The following ETV1 variants were observed in gnomAD, a reference collection of about 807,000 sequenced individuals.
ETV1 encodes the protein ETS variant transcription factor 1.
ETV1 carries 27 observed loss-of-function variants against 62.3 expected under a neutral mutation model. The ratio of observed to expected loss-of-function variants is 0.43; its 90% CI spans 0.32 to 0.60. ETV1 has a LOEUF of 0.60. ETV1 is among the 20% of genes least tolerant of loss of function. The pLI is 0.06. For missense variants in ETV1, 605 were observed against 605.8 expected (o/e 1.00, Z 0.01); for synonymous variants, 222 against 199.6 (o/e 1.11, Z -0.94).
At chr7:13,932,046 A>ACC (rs755145411) in intron 8 of ETV1, among the ~76,000 whole-genome samples, 2 of 145,454 alleles carry the variant, frequency 1.4e-5, no homozygotes, top group Non-Finnish European at 3.0e-5. Flanking sequence ...TTACACACCC[A>ACC]CACACACACA....
chr7:13,935,965 C>G, intron 7 of ETV1, 69 bp from the exon 8 acceptor site: 1 of 1,235,378 alleles, frequency 8.1e-7, no homozygotes, highest in Non-Finnish European at 1.1e-6. Flanking sequence ...AGTTTCTAAT[C>G]CAAAGGAAGA....
rs4027263 is a variant in ETV1, at chr7:13,920,441, A to AGTGTGTGTGTGTGT, written c.803-9148_803-9135dup. Among the ~76,000 whole-genome samples the AGTGTGTGTGTGTGT allele has an allele frequency of 2.0e-3, 304 of 148,532 alleles. 3 individuals are homozygous for AGTGTGTGTGTGTGT. The highest frequency in any genetic ancestry group is 7.0e-3 in the Middle Eastern group (2 of 284). On this transcript the variant is annotated intron_variant, in intron 9 of 13. Transcript: ENST00000430479. ...ATGGACATTCCAGAGAGAGTGAGTG[A>AGTGTGTGTGTGTGT]GTGTGTGTGTGTGTGTGTGTGTGTG...
chr7:13,972,118 A>G (rs1260736295), intron 6 of ETV1, among the ~76,000 whole-genome samples: 1 of 152,114 alleles, frequency 6.6e-6, no homozygotes, highest in Non-Finnish European at 1.5e-5. Context: ...TCAAAAAGAA[A>G]AAAAAAATGA....
intron 6 of ETV1, among the ~76,000 whole-genome samples, chr7:13,964,381 GA>G (rs1790533827): frequency 6.6e-6 from 1 of 152,064 alleles, no homozygotes; most frequent in Non-Finnish European, 1.5e-5. Flanking sequence ...ATAATTCTAA[GA>G]AAAACATCTT....
At chr7:13,915,496 T>C (rs1784048057) in intron 9 of ETV1, among the ~76,000 whole-genome samples, 1 of 152,240 alleles carries the variant, frequency 6.6e-6, no homozygotes, top group African/African-American at 2.4e-5. Context: ...TTTATCTCTT[T>C]TAAACTTAGT....
Position 13,894,098 on chromosome 7 carries a change from T to C in ETV1, c.*1768A>G, listed in dbSNP as rs917267324. ...GGGGGATCATCTTTAAACAATCTTT[T>C]TCATGCTCATCACGAAATGCTTTTA... On this transcript the variant is annotated 3_prime_UTR_variant, in exon 14 of 14. Coordinates refer to ENST00000430479, the MANE Select transcript of ETV1 (RefSeq NM_004956.5). 36 of 232,822 alleles carry C rather than the reference T, an allele frequency of 1.5e-4. No individual in the cohort carries two copies. Among genetic ancestry groups the C allele is most frequent in the African/African-American group, 7.7e-4 (35 of 45,340 alleles). 14.4% of individuals were successfully genotyped at this position (232,822 alleles called of 1,614,324 possible).
intron 7 of ETV1, among the ~76,000 whole-genome samples, chr7:13,936,563 C>A (rs1786823658): frequency 6.6e-6 from 1 of 152,126 alleles, no homozygotes; most frequent in Non-Finnish European, 1.5e-5. Flanking sequence ...AGTCTAACTT[C>A]TAAACACAGT....
chr7:13,919,355 A>G (rs1784556556), intron 9 of ETV1, among the ~76,000 whole-genome samples: 1 of 152,076 alleles, frequency 6.6e-6, no homozygotes, highest in Middle Eastern at 3.4e-3. Flanking sequence ...AAACAGATGG[A>G]GCAGTGAAAT....
intron 5 of ETV1, among the ~76,000 whole-genome samples, chr7:13,985,191 T>C (rs919549431): frequency 1.3e-5 from 2 of 152,056 alleles, no homozygotes; most frequent in East Asian, 3.8e-4. Flanking sequence ...GCAAAACTAA[T>C]AGGCATAAGT....
chr7:13,955,245 T>A (rs1789282360), intron 6 of ETV1, among the ~76,000 whole-genome samples: 1 of 152,194 alleles, frequency 6.6e-6, no homozygotes, highest in Non-Finnish European at 1.5e-5. Flanking sequence ...ACTGCCACTC[T>A]TACAGAAAAG....
intron 7 of ETV1, among the ~76,000 whole-genome samples, chr7:13,937,998 T>C (rs570044642): frequency 6.6e-6 from 1 of 152,302 alleles, no homozygotes; most frequent in African/African-American, 2.4e-5. Flanking sequence ...CAGGCTGGAG[T>C]GCAATGGCGC....
In ETV1 at chr7:13,989,089, T is replaced by A; in HGVS notation, c.-37A>T. The A allele has an allele frequency of 6.4e-7, 1 of 1,563,556 alleles. No homozygotes were observed. Among genetic ancestry groups the A allele is most frequent in the South Asian group, 1.2e-5 (1 of 86,086 alleles). ...TCGCAAATCTCAGCTCAGTATTTTA[T>A]ATTTTGAGCATTTAGCTGGAGATTT... On this transcript the variant is annotated 5_prime_UTR_variant, in exon 3 of 14. Coordinates refer to ENST00000430479, the MANE Select transcript of ETV1 (RefSeq NM_004956.5).
At position 13,963,578 on chromosome 7, in the gene ETV1, G is replaced by T. The variant is rs78092701; in HGVS notation, c.235+13849C>A. On this transcript the variant is annotated intron_variant, in intron 6 of 13. Transcript: ENST00000430479. ...ACACACACACCTATACGTATATATAGAGAGAGAAGTTTACTGATGACTTCT... is the reference window on the plus strand; with the variant it reads ...ACACACACACCTATACGTATATATATAGAGAGAAGTTTACTGATGACTTCT... Among the ~76,000 whole-genome samples the T allele has an allele frequency of 8.9e-3, 1,335 of 149,644 alleles. 15 individuals are homozygous for T. The highest frequency in any genetic ancestry group is 0.04 in the East Asian group (203 of 5,128).
intron 6 of ETV1, among the ~76,000 whole-genome samples, chr7:13,975,337 G>A (rs1781321628): frequency 6.6e-6 from 1 of 152,030 alleles, no homozygotes; most frequent in Non-Finnish European, 1.5e-5. Context: ...ACGAGGTCAG[G>A]AGATCGAGAC....
intron 6 of ETV1, among the ~76,000 whole-genome samples, chr7:13,949,165 T>A (rs576599551): frequency 1.1e-3 from 160 of 148,696 alleles, no homozygotes; most frequent in African/African-American, 3.8e-3. Flanking sequence ...AGCAGTGATT[T>A]AAAAAAAAAA....
chr7:13,978,590 C>T (rs924281677), intron 5 of ETV1, among the ~76,000 whole-genome samples: 1 of 151,850 alleles, frequency 6.6e-6, no homozygotes, highest in African/African-American at 2.4e-5. Context: ...AATTAACTTT[C>T]TTAAATGAGC....
intron 8 of ETV1, among the ~76,000 whole-genome samples, chr7:13,934,628 T>C (rs1033428344): frequency 6.6e-6 from 1 of 152,244 alleles, no homozygotes; most frequent in African/African-American, 2.4e-5. Flanking sequence ...TCAAAAAATA[T>C]GTTAAAAACA....
At chr7:13,937,690 A>C (rs1353761593) in intron 7 of ETV1, among the ~76,000 whole-genome samples, 3 of 152,236 alleles carry the variant, frequency 2.0e-5, no homozygotes, top group African/African-American at 7.2e-5. Context: ...TGTAAGGAGA[A>C]AATGCAAAAA....
intron 8 of ETV1, among the ~76,000 whole-genome samples, chr7:13,934,746 C>A (rs975856870): frequency 1.3e-5 from 2 of 152,170 alleles, no homozygotes; most frequent in African/African-American, 4.8e-5. Context: ...GCTAGAAATA[C>A]TACATTACGC....
Sources: allele counts gnomAD v4.1 joint callset (sites outside exome capture counted in the v4.1 genomes callset), GRCh38; gene constraint gnomAD v4.1.1; transcripts MANE v1.5; gene names NCBI Gene and HGNC (gene_info 2026-07-23, HGNC 2026-07-21).